Variants in FYN observed in about 807,000 individuals in gnomAD.
The protein encoded by FYN is tyrosine-protein kinase Fyn.
Under a neutral mutation model 70.2 loss-of-function variants are expected in FYN, and 10 were observed. The observed-to-expected ratio is 0.14, with a 90% CI of 0.09 to 0.24. The LOEUF is 0.24. Among genes scored for constraint, FYN ranks in the 10% least tolerant of loss-of-function variants. FYN has a pLI of 1.00. For synonymous variants in FYN, 236 were observed against 248.6 expected (o/e 0.95, Z 0.48); for missense variants, 319 against 673.1 (o/e 0.47, Z 5.82).
At chr6:111,671,526 C>T (rs1426546769) in intron 13 of FYN, among the ~76,000 whole-genome samples, 3 of 152,188 alleles carry the variant, frequency 2.0e-5, no homozygotes, top group East Asian at 1.9e-4. Context: ...AAATGTACCA[C>T]CATCTACTGT....
intron 3 of FYN, among the ~76,000 whole-genome samples, chr6:111,776,714 C>T (rs1387367859): frequency 6.6e-6 from 1 of 152,162 alleles, no homozygotes; most frequent in Non-Finnish European, 1.5e-5. Flanking sequence ...ATATACTTCA[C>T]AAAAAGCACC....
At chr6:111,773,843 T>A (rs2128502710) in intron 3 of FYN, among the ~76,000 whole-genome samples, 1 of 152,326 alleles carries the variant, frequency 6.6e-6, no homozygotes. Flanking sequence ...CATTGTGTGC[T>A]CATCAAACTG....
intron 2 of FYN, among the ~76,000 whole-genome samples, chr6:111,795,475 T>C (rs1771774300): frequency 6.6e-6 from 1 of 152,208 alleles, no homozygotes; most frequent in Non-Finnish European, 1.5e-5. Context: ...GATACTTTGT[T>C]ATGGCAGCCA....
chr6:111,737,872 C>A (rs1176039501), intron 3 of FYN, among the ~76,000 whole-genome samples: 1 of 152,158 alleles, frequency 6.6e-6, no homozygotes, highest in Non-Finnish European at 1.5e-5. Flanking sequence ...ATACACTTCA[C>A]AATATCACTA....
chr6:111,827,466 A>G lies in FYN; in HGVS notation c.-82+19123T>C, dbSNP rs563666989. On this transcript the variant is annotated intron_variant, in intron 2 of 13. Transcript: ENST00000354650. ...CCATTCCGGCTCATGCCCATCTTTA[A>G]GCCAGTGTGTAGAGGAACAACACTG... is the stretch of plus-strand genomic sequence containing the variant. Among the ~76,000 whole-genome samples, 1,333 of 152,222 alleles carry G rather than the reference A, an allele frequency of 8.8e-3. 11 individuals are homozygous for G. Among genetic ancestry groups the G allele is most frequent in the Non-Finnish European group, 0.011 (759 of 68,018 alleles).
At chr6:111,754,245 G>C (rs1279277565) in intron 3 of FYN, among the ~76,000 whole-genome samples, 1 of 152,110 alleles carries the variant, frequency 6.6e-6, no homozygotes, top group Non-Finnish European at 1.5e-5. Flanking sequence ...GCCCCAAGTT[G>C]GGGTTTACTT....
At chr6:111,872,726 G>T (rs929139605) in intron 1 of FYN, among the ~76,000 whole-genome samples, 1 of 151,904 alleles carries the variant, frequency 6.6e-6, no homozygotes, top group African/African-American at 2.4e-5. Context: ...GCTTGCGGGC[G>T]AGGAAATGGG....
At chr6:111,871,992 G>A (rs1224289098) in intron 1 of FYN, among the ~76,000 whole-genome samples, 2 of 152,226 alleles carry the variant, frequency 1.3e-5, no homozygotes, top group African/African-American at 2.4e-5. Context: ...CCCCAGGGAA[G>A]AGAGACAAGA....
chr6:111,826,034 A>C (rs1414482023), intron 2 of FYN, among the ~76,000 whole-genome samples: 3 of 152,168 alleles, frequency 2.0e-5, no homozygotes, highest in East Asian at 3.8e-4. Context: ...TGGGAGTAGA[A>C]GCAGTAGACA....
At chr6:111,792,407 T>C (rs758253303) in intron 2 of FYN, among the ~76,000 whole-genome samples, 2 of 152,214 alleles carry the variant, frequency 1.3e-5, no homozygotes, top group Non-Finnish European at 2.9e-5. Flanking sequence ...TGTCCACTGA[T>C]AACTGGCAGT....
At position 111,702,954 on chromosome 6, in the gene FYN, T is replaced by C. The variant is rs773177629; in HGVS notation, c.628A>G (p.Asn210Asp). The change falls in exon 8 of 14, where the codon AAT (asparagine) becomes GAT (aspartate). Residue 210 changes from asparagine (N) to aspartate (D), a missense_variant. Coordinates refer to ENST00000354650, the MANE Select transcript of FYN (RefSeq NM_002037.5). Reference sequence around the variant, plus strand: ...CGGGTGGTAATGTAGTATCCACCATTGTCAAGTTTGCGAATTTTATAATGT... The same window carrying C: ...CGGGTGGTAATGTAGTATCCACCATCGTCAAGTTTGCGAATTTTATAATGT... ...VKHYKIRKLDNGGYYITTRAQ... is the reference protein window; with the variant it reads ...VKHYKIRKLDDGGYYITTRAQ... 6.2e-7 allele frequency: 1 copy of C among 1,614,120 alleles called. No homozygotes were observed. Among genetic ancestry groups the C allele is most frequent in the Non-Finnish European group, 8.5e-7 (1 of 1,179,978 alleles).
At chr6:111,687,540 G>T (rs1459880215) in intron 12 of FYN, among the ~76,000 whole-genome samples, 2 of 144,816 alleles carry the variant, frequency 1.4e-5, no homozygotes, top group African/African-American at 5.2e-5. Flanking sequence ...GATGATAGAG[G>T]CAGAGCCTCC....
At chr6:111,836,671 G>C (rs1773197484) in intron 2 of FYN, among the ~76,000 whole-genome samples, 1 of 152,198 alleles carries the variant, frequency 6.6e-6, no homozygotes, top group Non-Finnish European at 1.5e-5. Context: ...GGGAGGCTGA[G>C]GTGGGAGGAT....
chr6:111,776,149 T>C (rs1000058165), intron 3 of FYN, among the ~76,000 whole-genome samples: 15 of 152,068 alleles, frequency 9.9e-5, no homozygotes, highest in Admixed American at 6.5e-4. Context: ...AGTTAATAGG[T>C]AGAGTGGGTG....
chr6:111,704,216 C>A (rs762849084), intron 6 of FYN, 114 bp from the exon 7 acceptor site: 23 of 738,074 alleles, frequency 3.1e-5, no homozygotes, highest in Admixed American at 1.1e-4. Context: ...AGTCCTTAAC[C>A]TTTCCCTGGA....
At chr6:111,858,634 G>A (rs1009293883) in intron 1 of FYN, among the ~76,000 whole-genome samples, 1 of 152,096 alleles carries the variant, frequency 6.6e-6, no homozygotes, top group African/African-American at 2.4e-5. Context: ...GAAGTCAAAA[G>A]CTGAACAATG....
At chr6:111,870,539 C>T (rs995901189) in intron 1 of FYN, among the ~76,000 whole-genome samples, 2 of 152,162 alleles carry the variant, frequency 1.3e-5, no homozygotes, top group African/African-American at 2.4e-5. Flanking sequence ...ACAGAATACC[C>T]GCTAAGATAA....
intron 10 of FYN, among the ~76,000 whole-genome samples, chr6:111,695,065 G>C (rs539278125): frequency 1.3e-5 from 2 of 152,286 alleles, no homozygotes; most frequent in East Asian, 3.9e-4. Flanking sequence ...ATTGATGTGG[G>C]GAAAATACAG....
At chr6:111,721,059 C>T (rs1800912330) in intron 3 of FYN, among the ~76,000 whole-genome samples, 1 of 152,324 alleles carries the variant, frequency 6.6e-6, no homozygotes, top group South Asian at 2.1e-4. Flanking sequence ...CGCTTCGGGC[C>T]TTGGAACATA....
Sources: allele counts gnomAD v4.1 joint callset (sites outside exome capture counted in the v4.1 genomes callset), GRCh38; gene constraint gnomAD v4.1.1; transcripts MANE v1.5; gene names NCBI Gene and HGNC (gene_info 2026-07-23, HGNC 2026-07-21).